Variants in CD2 observed in about 807,000 individuals in gnomAD.
CD2 encodes CD2 molecule, also known as T-cell surface antigen CD2.
A neutral mutation model predicts 23.2 loss-of-function variants in CD2; 18 were observed. That is an observed-to-expected ratio of 0.77 (90% CI 0.54 to 1.15). The LOEUF is 1.15. Among genes scored for constraint, CD2 ranks in the 50% most tolerant of loss-of-function variants. The pLI, the probability that CD2 is intolerant of heterozygous loss-of-function variation, is 0.00. For missense variants in CD2, 424 were observed against 423.1 expected (o/e 1.00, Z -0.02); for synonymous variants, 162 against 151.9 (o/e 1.07, Z -0.49).
chr1:116,762,436 G>A (rs1379900447), intron 3 of CD2, among the ~76,000 whole-genome samples: 2 of 152,184 alleles, frequency 1.3e-5, no homozygotes, highest in Non-Finnish European at 2.9e-5. Flanking sequence ...CAGAGCAGAA[G>A]CTCATTGCGA....
chr1:116,768,621 G>C lies in CD2; in HGVS notation c.894G>C (p.Pro298=). The change falls in exon 5 of 5, where the codon CCG becomes CCC. Residue 298 remains proline (P), a synonymous_variant. Coordinates refer to ENST00000369478, the MANE Select transcript of CD2 (RefSeq NM_001767.5). The part of the protein sequence containing the change: ...HRSQAPSHRP[P]PPGHRVQHQP... Reference sequence around the variant, plus strand: ...CCCAGGCACCTAGTCATCGTCCCCCGCCTCCTGGACACCGTGTTCAGCACC... The same window carrying C: ...CCCAGGCACCTAGTCATCGTCCCCCCCCTCCTGGACACCGTGTTCAGCACC... The C allele has an allele frequency of 6.2e-7, 1 of 1,613,860 alleles. No homozygotes were observed. The highest frequency in any genetic ancestry group is 1.1e-5 in the South Asian group (1 of 91,040).
At chr1:116,758,204 A>T (rs1224391331) in intron 2 of CD2, among the ~76,000 whole-genome samples, 1 of 152,072 alleles carries the variant, frequency 6.6e-6, no homozygotes, top group Non-Finnish European at 1.5e-5. Flanking sequence ...TTTTAAAAAT[A>T]TTTTATCAGC....
Position 116,769,090 on chromosome 1 carries a change from C to T in CD2, c.*307C>T, listed in dbSNP as rs527492384. ...TCCCCTCTCAGGTCATGTGTAGATGCGATAAATCAAGTGATTGGTGTGCCT... is the reference window on the plus strand; with the variant it reads ...TCCCCTCTCAGGTCATGTGTAGATGTGATAAATCAAGTGATTGGTGTGCCT... On this transcript the variant is annotated 3_prime_UTR_variant, in exon 5 of 5. Coordinates refer to ENST00000369478, the MANE Select transcript of CD2 (RefSeq NM_001767.5). 86 of 293,184 alleles carry T rather than the reference C, an allele frequency of 2.9e-4. No homozygotes were observed. In the South Asian group the frequency reaches 5.8e-3, roughly 20 times the overall value. 18.2% of individuals were successfully genotyped at this position (293,184 alleles called of 1,614,324 possible).
chr1:116,764,356 G>T (rs764883229), intron 3 of CD2, 128 bp from the exon 4 acceptor site: 56 of 1,406,114 alleles, frequency 4.0e-5, no homozygotes, highest in Non-Finnish European at 5.1e-5. Context: ...GTGAGCCTGG[G>T]AGTTATGGGG....
intron 2 of CD2, among the ~76,000 whole-genome samples, chr1:116,755,501 T>C (rs1449286500): frequency 6.6e-6 from 1 of 152,182 alleles, no homozygotes; most frequent in Non-Finnish European, 1.5e-5. Context: ...CTGATATGTG[T>C]AGAAGATGCA....
intron 2 of CD2, 97 bp from the exon 3 acceptor site, chr1:116,760,305 T>C: frequency 1.2e-6 from 1 of 841,828 alleles, no homozygotes; most frequent in Non-Finnish European, 1.9e-6. Context: ...ATTGTTCCCT[T>C]GTCCCTAACT....
chr1:116,759,086 GA>G (rs986776878), intron 2 of CD2, among the ~76,000 whole-genome samples: 7 of 152,014 alleles, frequency 4.6e-5, no homozygotes, highest in East Asian at 3.9e-4. Context: ...GTTATAAGTA[GA>G]AAAAAAATAT....
intron 4 of CD2, among the ~76,000 whole-genome samples, chr1:116,766,010 C>G (rs1489360006): frequency 6.6e-6 from 1 of 152,272 alleles, no homozygotes; most frequent in Non-Finnish European, 1.5e-5. Flanking sequence ...AGTAGGTTGA[C>G]TCAGGCCTAG....
At chr1:116,765,621 G>T (rs542122368) in intron 4 of CD2, among the ~76,000 whole-genome samples, 1 of 152,082 alleles carries the variant, frequency 6.6e-6, no homozygotes, top group Non-Finnish European at 1.5e-5. Flanking sequence ...TTCCCACCAC[G>T]ACTGTCCCAC....
At chr1:116,759,944 C>T (rs1651986106) in intron 2 of CD2, among the ~76,000 whole-genome samples, 1 of 152,168 alleles carries the variant, frequency 6.6e-6, no homozygotes, top group South Asian at 2.1e-4. Context: ...TTCCTGGCTG[C>T]TGTTAAAGCA....
chr1:116,754,879 A>G lies in CD2; in HGVS notation c.310A>G (p.Ile104Val). ...GCATCTGAAGACCGATGATCAGGAT[A>G]TCTACAAGGTATCAATATATGATAC... ...IKHLKTDDQD[I>V]YKVSIYDTKG... The change falls in exon 2 of 5, where the codon ATC becomes GTC. Residue 104 changes from isoleucine (I) to valine (V), a missense_variant. Transcript: ENST00000369478. The G allele has an allele frequency of 2.5e-6, 4 of 1,612,798 alleles. No homozygotes were observed. The highest frequency in any genetic ancestry group is 3.4e-6 in the Non-Finnish European group (4 of 1,178,822).
intron 2 of CD2, among the ~76,000 whole-genome samples, chr1:116,755,255 G>A (rs1023482119): frequency 1.1e-4 from 16 of 152,204 alleles, no homozygotes; most frequent in East Asian, 1.9e-4. Flanking sequence ...CAGGTAGGCC[G>A]AGGGAAAAGG....
At chr1:116,767,450 G>A (rs1313689709) in intron 4 of CD2, among the ~76,000 whole-genome samples, 3 of 152,044 alleles carry the variant, frequency 2.0e-5, no homozygotes, top group African/African-American at 7.2e-5. Context: ...TATTAGCCGG[G>A]CGTGGTGGTG....
At chr1:116,763,228 G>A (rs547604323) in intron 3 of CD2, among the ~76,000 whole-genome samples, 6 of 152,302 alleles carry the variant, frequency 3.9e-5, no homozygotes, top group African/African-American at 1.4e-4. Flanking sequence ...AGAGAGACTC[G>A]AGGAAAGAAA....
At chr1:116,764,744 T>C (rs1317149965) in intron 4 of CD2, 138 bp downstream of exon 4, 2 of 668,938 alleles carry the variant, frequency 3.0e-6, no homozygotes, top group Non-Finnish European at 5.2e-6. Context: ...AGTCAGCGGT[T>C]ATAGCTTGTT....
chr1:116,768,989 C>A lies in CD2; in HGVS notation c.*206C>A. The stretch of plus-strand genomic sequence containing the variant: ...GGTCTCCTCAGAGAGCTCCATCACA[C>A]CAGTAAGGAGAAGCAATATAAGTGT... On this transcript the variant is annotated 3_prime_UTR_variant, in exon 5 of 5. Transcript: ENST00000369478. The A allele has an allele frequency of 3.5e-6, 2 of 577,502 alleles. No homozygotes were observed. Among genetic ancestry groups the A allele is most frequent in the South Asian group, 2.3e-5 (1 of 44,254 alleles). The allele number at this position is 577,502 out of a possible 1,614,324, so 35.8% of individuals were successfully genotyped here.
At chr1:116,759,492 A>T (rs1371235575) in intron 2 of CD2, among the ~76,000 whole-genome samples, 8 of 151,970 alleles carry the variant, frequency 5.3e-5, no homozygotes. Flanking sequence ...GATGGGGCTA[A>T]GATGTAGACC....
chr1:116,764,464 C>T lies in CD2; in HGVS notation c.614-20C>T. Reference sequence around the variant, plus strand: ...CTGCCTGGACCCCTCCCAGCCATCCCACTTCTCTTCCTTTTGCAGAGAAAG... The same window carrying T: ...CTGCCTGGACCCCTCCCAGCCATCCTACTTCTCTTCCTTTTGCAGAGAAAG... On this transcript the variant is annotated intron_variant, in intron 3 of 4. Transcript: ENST00000369478. 6.2e-7 allele frequency: 1 copy of T among 1,612,598 alleles called. No individual in the cohort carries two copies. The highest frequency in any genetic ancestry group is 8.5e-7 in the Non-Finnish European group (1 of 1,179,282).
At chr1:116,764,973 G>C (rs1442874630) in intron 4 of CD2, among the ~76,000 whole-genome samples, 3 of 152,166 alleles carry the variant, frequency 2.0e-5, no homozygotes, top group African/African-American at 7.2e-5. Context: ...TCCTATCTAT[G>C]GGTGGCCCAA....
Sources: gnomAD v4.1 joint callset for allele counts (sites outside exome capture counted in the v4.1 genomes callset) on GRCh38, gnomAD v4.1.1 for gene constraint, MANE v1.5 for transcripts, NCBI Gene and HGNC (gene_info 2026-07-23, HGNC 2026-07-21) for gene names.